The following MINDY2 variants were observed in gnomAD, a reference collection of about 807,000 sequenced individuals.
MINDY2 encodes the protein ubiquitin carboxyl-terminal hydrolase MINDY-2.
A neutral mutation model predicts 68.2 loss-of-function variants in MINDY2; 52 were observed. The ratio of observed to expected loss-of-function variants is 0.76; its 90% CI spans 0.61 to 0.96. MINDY2 has a LOEUF of 0.96. Among genes scored for constraint, MINDY2 ranks in the 40% least tolerant of loss-of-function variants. The probability of loss-of-function intolerance (pLI) is 0.00; values close to 1 mark genes in which losing one functional copy is unlikely to be tolerated. For missense variants in MINDY2, 881 were observed against 773.4 expected (o/e 1.14, Z -1.65); for synonymous variants, 372 against 303.0 (o/e 1.23, Z -2.36).
In MINDY2 at chr15:58,822,595, T is replaced by A. The variant is rs2031134962; in HGVS notation, c.1225+776T>A. Among the ~76,000 whole-genome samples, 3 of 152,296 alleles carry A rather than the reference T, an allele frequency of 2.0e-5. No individual in the cohort carries two copies. The South Asian group carries it at 6.2e-4, about 32-fold the overall frequency. On this transcript the variant is annotated intron_variant, in intron 5 of 8. Transcript: ENST00000559228. ...ATTAAAGCCCCATTCTGGATCAGAG[T>A]ATGCCTCTGAAAATCAGTTTTTCTA...
chr15:58,783,388 A>C (rs1419175163), intron 1 of MINDY2, among the ~76,000 whole-genome samples: 4 of 152,178 alleles, frequency 2.6e-5, no homozygotes, highest in African/African-American at 7.2e-5. Flanking sequence ...TTTGGCTAGT[A>C]GTAATTTTTG....
At chr15:58,774,916 T>G (rs1404532653) in intron 1 of MINDY2, among the ~76,000 whole-genome samples, 1 of 152,216 alleles carries the variant, frequency 6.6e-6, no homozygotes, top group Non-Finnish European at 1.5e-5. Context: ...ATTTGGAGAT[T>G]ATTTTGTAAA....
chr15:58,831,195 A>G (rs911148236), intron 5 of MINDY2, among the ~76,000 whole-genome samples: 1 of 152,054 alleles, frequency 6.6e-6, no homozygotes, highest in Non-Finnish European at 1.5e-5. Flanking sequence ...AAAATGGCAT[A>G]AAAAACCATT....
chr15:58,798,928 C>G (rs1339812674), intron 2 of MINDY2, among the ~76,000 whole-genome samples: 2 of 152,142 alleles, frequency 1.3e-5, no homozygotes, highest in African/African-American at 4.8e-5. Flanking sequence ...TTATCTAACT[C>G]TTAGCTAGCA....
At chr15:58,848,763 A>G (rs2032664550) in intron 7 of MINDY2, among the ~76,000 whole-genome samples, 1 of 152,156 alleles carries the variant, frequency 6.6e-6, no homozygotes, top group South Asian at 2.1e-4. Context: ...AAAAAAGAAT[A>G]TTTAATTCAA....
intron 8 of MINDY2, 98 bp downstream of exon 8, chr15:58,852,063 G>A (rs774717829): frequency 1.7e-5 from 15 of 908,034 alleles, no homozygotes; most frequent in Non-Finnish European, 2.4e-5. Flanking sequence ...GAGGCAGGCA[G>A]ATTGCTTGAG....
chr15:58,824,256 C>G (rs1204907032), intron 5 of MINDY2, among the ~76,000 whole-genome samples: 1 of 152,098 alleles, frequency 6.6e-6, no homozygotes, highest in Admixed American at 6.5e-5. Flanking sequence ...ATTATTATTT[C>G]TCTGACATTG....
chr15:58,825,541 A>G (rs1203907279), intron 5 of MINDY2, among the ~76,000 whole-genome samples: 2 of 152,196 alleles, frequency 1.3e-5, no homozygotes, highest in Admixed American at 1.3e-4. Flanking sequence ...TATTCATTTA[A>G]TTCCAGATGC....
chr15:58,791,622 A>ATGTGTGTGTGTGTGTGTGTGTGTG (rs368688031), intron 2 of MINDY2, among the ~76,000 whole-genome samples: 5 of 136,664 alleles, frequency 3.7e-5, no homozygotes, highest in African/African-American at 8.2e-5. Flanking sequence ...GTCTCAAAAT[A>ATGTGTGTGTGTGTGTGTGTGTGTG]TGTGTGTGTG....
intron 2 of MINDY2, among the ~76,000 whole-genome samples, chr15:58,791,394 G>T (rs1041961518): frequency 6.6e-6 from 1 of 151,210 alleles, no homozygotes; most frequent in Non-Finnish European, 1.5e-5. Flanking sequence ...TGTAGCTCCT[G>T]TCTTGAGCCC....
chr15:58,817,455 G>A (rs987068327), intron 4 of MINDY2, among the ~76,000 whole-genome samples: 1 of 152,226 alleles, frequency 6.6e-6, no homozygotes, highest in Non-Finnish European at 1.5e-5. Flanking sequence ...GTTGGGCGCA[G>A]TGGCTCACAC....
rs546703185 is a variant in MINDY2 at position 58,830,654 on chromosome 15, T to G, written c.1226-1120T>G. ...TTTCTCTATAAGGCACATCACAGCC[T>G]TTGTCTACTGAATGCTAGCCAGCAC... On this transcript the variant is annotated intron_variant, in intron 5 of 8. Transcript: ENST00000559228. 3.9e-5 allele frequency among the ~76,000 whole-genome samples: 6 copies of G among 152,296 alleles called. No individual in the cohort carries two copies. The South Asian group carries it at 1.2e-3, about 32-fold the overall frequency.
At chr15:58,828,949 T>G (rs1317847945) in intron 5 of MINDY2, among the ~76,000 whole-genome samples, 1 of 152,186 alleles carries the variant, frequency 6.6e-6, no homozygotes, top group African/African-American at 2.4e-5. Flanking sequence ...TAATACTCTA[T>G]TATCATTAAG....
intron 6 of MINDY2, among the ~76,000 whole-genome samples, chr15:58,837,501 G>C (rs1466005200): frequency 6.8e-6 from 1 of 147,448 alleles, no homozygotes; most frequent in African/African-American, 2.5e-5. Flanking sequence ...TGAGCCCTGA[G>C]CCCAGGAGGG....
intron 6 of MINDY2, among the ~76,000 whole-genome samples, chr15:58,841,604 C>G (rs1001223900): frequency 6.6e-6 from 1 of 151,892 alleles, no homozygotes; most frequent in Admixed American, 6.6e-5. Context: ...ACAGTTTCAC[C>G]ATGTTCGTCA....
chr15:58,816,637 A>C (rs1879411624), intron 4 of MINDY2, among the ~76,000 whole-genome samples: 1 of 152,048 alleles, frequency 6.6e-6, no homozygotes, highest in African/African-American at 2.4e-5. Context: ...GAGGCCTAAA[A>C]AGATCACTAT....
intron 1 of MINDY2, among the ~76,000 whole-genome samples, chr15:58,786,864 T>C (rs1901538520): frequency 6.6e-6 from 1 of 152,124 alleles, no homozygotes; most frequent in Non-Finnish European, 1.5e-5. Context: ...AGTTTCACTC[T>C]TGTCACCCAG....
chr15:58,844,232 A>G (rs912557341), intron 6 of MINDY2, among the ~76,000 whole-genome samples: 17 of 152,220 alleles, frequency 1.1e-4, no homozygotes, highest in Non-Finnish European at 2.4e-4. Context: ...CTATACTTAC[A>G]TAAAGGAACT....
chr15:58,844,578 A>T (rs2141051934), intron 6 of MINDY2, among the ~76,000 whole-genome samples: 1 of 150,448 alleles, frequency 6.6e-6, no homozygotes, highest in South Asian at 2.1e-4. Context: ...AAAAAAAAAA[A>T]AAAATCTGCA....
Sources: allele counts gnomAD v4.1 joint callset (sites outside exome capture counted in the v4.1 genomes callset), GRCh38; gene constraint gnomAD v4.1.1; transcripts MANE v1.5; gene names NCBI Gene and HGNC (gene_info 2026-07-23, HGNC 2026-07-21).